Variants in FAP observed in about 807,000 individuals in gnomAD.
FAP encodes fibroblast activation protein alpha.
In FAP, 110 loss-of-function variants were observed where a neutral mutation model predicts 126.5. The observed-to-expected ratio is 0.87, with a 90% CI of 0.74 to 1.02. The LOEUF (loss-of-function observed/expected upper bound fraction) is 1.02, where lower values mean the gene tolerates loss of function less well. FAP is among the 50% of genes least tolerant of loss of function. The pLI is 0.00. For synonymous variants in FAP, 334 were observed against 297.3 expected, an observed-to-expected ratio of 1.12 and a Z score of -1.27; for missense variants, 919 against 909.2, an observed-to-expected ratio of 1.01 and a Z score of -0.14.
chr2:162,191,631 C>T (rs1688047972), intron 17 of FAP, among the ~76,000 whole-genome samples: 1 of 152,092 alleles, frequency 6.6e-6, no homozygotes, highest in South Asian at 2.1e-4. Flanking sequence ...AATGATGGAT[C>T]TTATACTTGA....
intron 7 of FAP, among the ~76,000 whole-genome samples, 196 bp downstream of exon 7, chr2:162,219,657 G>C (rs1487192559): frequency 2.0e-5 from 3 of 152,142 alleles, no homozygotes; most frequent in Admixed American, 1.3e-4. Flanking sequence ...ATTTAAAGAA[G>C]TCTATCCATG....
chr2:162,219,859 A>C lies in FAP; in HGVS notation c.480T>G (p.Ser160Arg), dbSNP rs765547294. The change falls in exon 7 of 26, where the codon AGT (serine) becomes AGG (arginine). Residue 160 changes from serine to arginine, a missense_variant. Transcript: ENST00000188790. ...CAAAAATTTAAACACTTACTAATTT[A>C]CTCCCAACAGGCGACCAGCATAAAT... ...IQYLCWSPVG[S>R]KLAYVYQNNI... 6.2e-7 allele frequency: 1 copy of C among 1,606,144 alleles called. No homozygotes were observed. The highest frequency in any genetic ancestry group is 1.7e-5 in the Admixed American group (1 of 59,880).
rs765656987 is a variant in FAP, at chr2:162,198,765, A to G, written c.1394T>C (p.Val465Ala). ...FSDYAKYYALVCYGPGIPIST... is the reference protein window; with the variant it reads ...FSDYAKYYALACYGPGIPIST... ...TGAGGTCCGTTACCTACCGTAGCAG[A>G]CAAGTGCATAGTACTTGGCGTAGTC... Residue 465 changes from valine (V) to alanine (A), a missense_variant, in exon 16 of 26, where the codon GTC (valine) becomes GCC (alanine). Val to Ala is a moderately conservative substitution (Grantham distance 64, BLOSUM62 0). Coordinates refer to ENST00000188790, the MANE Select transcript of FAP (RefSeq NM_004460.5). 4.3e-6 allele frequency: 7 copies of G among 1,614,098 alleles called. No homozygotes were observed. The Admixed American group carries it at 1.2e-4, about 27-fold the overall frequency.
At chr2:162,173,956 T>C (rs1687400121) in intron 22 of FAP, among the ~76,000 whole-genome samples, 169 bp from the exon 23 acceptor site, 2 of 152,156 alleles carry the variant, frequency 1.3e-5, no homozygotes, top group African/African-American at 4.8e-5. Flanking sequence ...ATATGTGTCA[T>C]CTCTGCAATT....
chr2:162,190,495 T>C (rs1403386185), intron 17 of FAP, among the ~76,000 whole-genome samples: 1 of 152,116 alleles, frequency 6.6e-6, no homozygotes, highest in Non-Finnish European at 1.5e-5. Context: ...CAGTTATATT[T>C]CACACCTTAA....
intron 21 of FAP, chr2:162,176,569 T>A (rs1035138416): frequency 7.9e-5 from 12 of 152,198 alleles, no homozygotes; most frequent in African/African-American, 2.2e-4. Context: ...CTTATTTTGA[T>A]TAGCAGGTTT....
At chr2:162,182,357 A>G (rs1315140791) in intron 21 of FAP, among the ~76,000 whole-genome samples, 1 of 152,242 alleles carries the variant, frequency 6.6e-6, no homozygotes, top group Non-Finnish European at 1.5e-5. Flanking sequence ...CTTTATAAAA[A>G]TGGATGATAG....
chr2:162,180,014 G>A (rs1210215980), intron 21 of FAP, among the ~76,000 whole-genome samples: 1 of 151,686 alleles, frequency 6.6e-6, no homozygotes, highest in Non-Finnish European at 1.5e-5. Flanking sequence ...TCGTCATGTT[G>A]GTCAGGCTGG....
At chr2:162,206,436 C>T (rs1688698927) in intron 12 of FAP, among the ~76,000 whole-genome samples, 1 of 152,206 alleles carries the variant, frequency 6.6e-6, no homozygotes, top group African/African-American at 2.4e-5. Flanking sequence ...CTTGCCATAG[C>T]TGTTAAATGA....
chr2:162,232,325 G>A (rs554222327), intron 2 of FAP, among the ~76,000 whole-genome samples: 23 of 152,312 alleles, frequency 1.5e-4, no homozygotes, highest in Non-Finnish European at 3.2e-4. Flanking sequence ...ATGAAAATTA[G>A]CAAGGTGAGC....
At chr2:162,203,658 A>G (rs1324177439) in intron 12 of FAP, among the ~76,000 whole-genome samples, 1 of 152,106 alleles carries the variant, frequency 6.6e-6, no homozygotes. Context: ...GGGCTTCTGG[A>G]CTTGAGAGAA....
At position 162,214,030 on chromosome 2, in the gene FAP, C is replaced by T. The variant is rs1389321169; in HGVS notation, c.910G>A (p.Val304Ile). The T allele has an allele frequency of 1.9e-6, 3 of 1,613,962 alleles. No homozygotes were observed. Among genetic ancestry groups the T allele is most frequent in the Admixed American group, 3.3e-5 (2 of 60,004 alleles). ...SWLTWVTDER[V>I]CLQWLKRVQN... is the part of the protein sequence containing the mutation. ...ACTCTTTTTAGCCACTGCAAACATA[C>T]TCGTTCATCAGTAACCCACGTGAGC... The change falls in exon 11 of 26, where the codon GTA becomes ATA. Residue 304 changes from valine to isoleucine, a missense_variant. Val to Ile is a conservative substitution (Grantham distance 29). Coordinates refer to ENST00000188790, the MANE Select transcript of FAP (RefSeq NM_004460.5).
chr2:162,216,197 A>G (rs1455618836), intron 9 of FAP, among the ~76,000 whole-genome samples, 196 bp from the exon 10 acceptor site: 2 of 152,222 alleles, frequency 1.3e-5, no homozygotes, highest in African/African-American at 4.8e-5. Context: ...TGTTGTGTCA[A>G]CCAGAGCAAA....
chr2:162,194,583 G>A, intron 17 of FAP, 118 bp downstream of exon 17: 1 of 821,736 alleles, frequency 1.2e-6, no homozygotes, highest in Non-Finnish European at 2.1e-6. Context: ...TGTGATAACA[G>A]GATTCCATCG....
At chr2:162,202,175 T>A (rs1292119617) in intron 14 of FAP, among the ~76,000 whole-genome samples, 1 of 152,230 alleles carries the variant, frequency 6.6e-6, no homozygotes. Flanking sequence ...AAGTATACTT[T>A]TGTGATTAGA....
chr2:162,243,360 T>G lies in FAP; in HGVS notation c.-33A>C. 1 of 1,610,448 alleles carries G rather than the reference T, an allele frequency of 6.2e-7. No individual in the cohort carries two copies. Among genetic ancestry groups the G allele is most frequent in the South Asian group, 1.1e-5 (1 of 90,556 alleles). ...GATGTTTTTGAAAGTTAGCTAATTC[T>G]GTCTTCAGAGCGTGGGTCACTGGAT... On this transcript the variant is annotated 5_prime_UTR_variant, in exon 1 of 26. Coordinates refer to ENST00000188790, the MANE Select transcript of FAP (RefSeq NM_004460.5).
chr2:162,206,414 G>A (rs766482827), intron 12 of FAP, among the ~76,000 whole-genome samples: 16 of 152,130 alleles, frequency 1.1e-4, no homozygotes, highest in African/African-American at 9.7e-5. Flanking sequence ...ATTATTTACC[G>A]CCATGTAATA....
At chr2:162,234,336 TA>T (rs1208122562) in intron 2 of FAP, among the ~76,000 whole-genome samples, 1 of 152,190 alleles carries the variant, frequency 6.6e-6, no homozygotes. Flanking sequence ...TTATGATCCA[TA>T]AACATGGGAT....
intron 11 of FAP, among the ~76,000 whole-genome samples, 178 bp from the exon 12 acceptor site, chr2:162,210,174 T>C (rs958254791): frequency 6.6e-6 from 1 of 152,224 alleles, no homozygotes; most frequent in African/African-American, 2.4e-5. Flanking sequence ...AGCACTGTTG[T>C]ATATACATGG....
Sources: allele counts gnomAD v4.1 joint callset (sites outside exome capture counted in the v4.1 genomes callset), GRCh38; gene constraint gnomAD v4.1.1; transcripts MANE v1.5; gene names NCBI Gene and HGNC (gene_info 2026-07-23, HGNC 2026-07-21).